Variants in HOOK3 observed in about 807,000 individuals in gnomAD.
HOOK3 encodes protein Hook homolog 3.
Under a neutral mutation model 116.3 loss-of-function variants are expected in HOOK3, and 24 were observed. The ratio of observed to expected loss-of-function variants is 0.21; its 90% CI spans 0.15 to 0.29. HOOK3 has a LOEUF of 0.29. HOOK3 is among the 10% of genes least tolerant of loss of function. The pLI, the probability that HOOK3 is intolerant of heterozygous loss-of-function variation, is 1.00. For synonymous variants in HOOK3, 275 were observed against 283.0 expected, an observed-to-expected ratio of 0.97 and a Z score of 0.28; for missense variants, 632 against 830.2, an observed-to-expected ratio of 0.76 and a Z score of 2.93.
In HOOK3 at chr8:43,025,586, G is replaced by T. The variant is rs1361364426; in HGVS notation, c.*7088G>T. 1 of 210,104 alleles carries T rather than the reference G, an allele frequency of 4.8e-6. No homozygotes were observed. Among genetic ancestry groups the T allele is most frequent in the Non-Finnish European group, 9.7e-6 (1 of 103,622 alleles). 13.0% of individuals were successfully genotyped at this position (210,104 alleles called of 1,614,324 possible). On this transcript the variant is annotated 3_prime_UTR_variant, in exon 22 of 22. Transcript: ENST00000307602. The stretch of plus-strand genomic sequence containing the variant: ...TCCCTTCATTGAGTATTAACTAGGT[G>T]CATAATGTAGTTGTATATGTTTACT...
At chr8:42,994,491 C>T (rs1241466201) in intron 15 of HOOK3, 7 of 365,264 alleles carry the variant, frequency 1.9e-5, no homozygotes, top group Middle Eastern at 3.7e-4. Flanking sequence ...CCATAGATTT[C>T]GGTATGTTGT....
At position 42,964,328 on chromosome 8, in the gene HOOK3, A is replaced by G; in HGVS notation, c.633A>G (p.Glu211=). The G allele has an allele frequency of 1.2e-6, 2 of 1,614,164 alleles. No individual in the cohort carries two copies. The highest frequency in any genetic ancestry group is 1.7e-6 in the Non-Finnish European group (2 of 1,180,012). Residue 211 remains glutamate (E), a synonymous_variant, in exon 9 of 22, where the codon GAA becomes GAG. Coordinates refer to ENST00000307602, the MANE Select transcript of HOOK3 (RefSeq NM_032410.4). ...ELDMQVAALQ[E]EKSSLLAENQ... ...TCCAACAGGTTGCAGCATTGCAGGA[A>G]GAGAAAAGTAGTTTGTTGGCAGAGA...
chr8:42,922,265 G>A (rs1807671858), intron 2 of HOOK3, among the ~76,000 whole-genome samples: 1 of 152,086 alleles, frequency 6.6e-6, no homozygotes, highest in African/African-American at 2.4e-5. Flanking sequence ...ACTTTGACCT[G>A]GTATGGTGGC....
At chr8:42,906,668 C>G (rs1195455001) in intron 2 of HOOK3, among the ~76,000 whole-genome samples, 1 of 152,164 alleles carries the variant, frequency 6.6e-6, no homozygotes, top group East Asian at 1.9e-4. Context: ...TACTTTCTAT[C>G]CCACTTAAGC....
chr8:43,018,366 C>T lies in HOOK3; in HGVS notation c.2025C>T (p.Thr675=). The T allele has an allele frequency of 6.3e-7, 1 of 1,596,110 alleles. No individual in the cohort carries two copies. The highest frequency in any genetic ancestry group is 1.1e-5 in the South Asian group (1 of 87,716). ...IVSAWYNMGM[T]LHKKAAEDRL... is the part of the protein sequence containing the mutation. ...TTGTTTTAATGTTGCAGGGAATGAC[C>T]CTGCATAAAAAGGCAGCTGAAGATA... is the stretch of plus-strand genomic sequence containing the variant. Residue 675 remains threonine (T), a synonymous_variant, in exon 22 of 22, where the codon ACC becomes ACT. Transcript: ENST00000307602.
chr8:42,957,693 G>A (rs1808460641), intron 7 of HOOK3, among the ~76,000 whole-genome samples: 1 of 151,888 alleles, frequency 6.6e-6, no homozygotes, highest in Non-Finnish European at 1.5e-5. Flanking sequence ...ATGTCTTCTC[G>A]ATCCCACCCC....
chr8:42,900,380 G>A (rs966115239), intron 1 of HOOK3, among the ~76,000 whole-genome samples: 3 of 152,114 alleles, frequency 2.0e-5, no homozygotes, highest in Non-Finnish European at 4.4e-5. Flanking sequence ...ACTGAAAAAC[G>A]AAGTCTACAA....
chr8:42,974,891 A>G (rs1808791473), intron 13 of HOOK3, among the ~76,000 whole-genome samples: 1 of 152,220 alleles, frequency 6.6e-6, no homozygotes, highest in African/African-American at 2.4e-5. Flanking sequence ...GGGTAAAACA[A>G]GAACCCTAAG....
At chr8:42,952,625 A>G (rs1213885931) in intron 6 of HOOK3, among the ~76,000 whole-genome samples, 6 of 152,152 alleles carry the variant, frequency 3.9e-5, no homozygotes, top group African/African-American at 7.2e-5. Flanking sequence ...AGCTTAAACT[A>G]TCTAAGGGCC....
chr8:43,013,438 A>G, intron 21 of HOOK3, 38 bp downstream of exon 21: 1 of 1,476,718 alleles, frequency 6.8e-7, no homozygotes, highest in South Asian at 1.3e-5. Context: ...TGAAAACTTC[A>G]ATGAATATGT....
intron 15 of HOOK3, among the ~76,000 whole-genome samples, chr8:42,988,162 A>G (rs1809083969): frequency 6.6e-6 from 1 of 152,224 alleles, no homozygotes; most frequent in Non-Finnish European, 1.5e-5. Flanking sequence ...AAAATTTTAC[A>G]TCAACTCTGA....
chr8:42,917,761 G>A (rs1807560546), intron 2 of HOOK3, among the ~76,000 whole-genome samples: 2 of 152,268 alleles, frequency 1.3e-5, no homozygotes, highest in Middle Eastern at 3.4e-3. Flanking sequence ...GGACCCTGCT[G>A]GAATGTCTCA....
intron 14 of HOOK3, among the ~76,000 whole-genome samples, chr8:42,984,228 C>A (rs1193637054): frequency 1.3e-5 from 2 of 151,806 alleles, no homozygotes; most frequent in Non-Finnish European, 2.9e-5. Flanking sequence ...ATTAACTGGG[C>A]TTGGTGATGC....
At chr8:43,015,282 G>T (rs987727347) in intron 21 of HOOK3, among the ~76,000 whole-genome samples, 15 of 152,062 alleles carry the variant, frequency 9.9e-5, no homozygotes, top group Admixed American at 8.5e-4. Context: ...CAGCACTTTG[G>T]GAGGCCAAGG....
chr8:42,945,914 A>G (rs1808216853), intron 5 of HOOK3, among the ~76,000 whole-genome samples: 1 of 152,110 alleles, frequency 6.6e-6, no homozygotes, highest in Non-Finnish European at 1.5e-5. Context: ...TATATAGATA[A>G]TAATATAATT....
intron 2 of HOOK3, among the ~76,000 whole-genome samples, chr8:42,922,170 T>A (rs1166009234): frequency 2.0e-5 from 3 of 152,180 alleles, no homozygotes; most frequent in Non-Finnish European, 2.9e-5. Context: ...CCAATAAATC[T>A]TCATGACTCT....
At chr8:42,955,858 TC>T (rs1808422639) in intron 6 of HOOK3, among the ~76,000 whole-genome samples, 1 of 152,168 alleles carries the variant, frequency 6.6e-6, no homozygotes, top group Non-Finnish European at 1.5e-5. Flanking sequence ...CAACAGTACA[TC>T]CTTTTGCCTC....
intron 7 of HOOK3, 58 bp downstream of exon 7, chr8:42,957,214 T>A: frequency 3.0e-6 from 3 of 1,007,342 alleles, no homozygotes; most frequent in Non-Finnish European, 4.4e-6. Flanking sequence ...AAGCATCAGA[T>A]GTTAATGAGA....
At chr8:42,897,344 A>C (rs1371972196) in intron 1 of HOOK3, 156 bp downstream of exon 1, 1 of 435,372 alleles carries the variant, frequency 2.3e-6, no homozygotes, top group Admixed American at 4.5e-5. Context: ...CCAGGGTCCG[A>C]GAGAGACTTG....
Sources: gnomAD v4.1 joint callset for allele counts (sites outside exome capture counted in the v4.1 genomes callset) on GRCh38, gnomAD v4.1.1 for gene constraint, MANE v1.5 for transcripts, NCBI Gene and HGNC (gene_info 2026-07-23, HGNC 2026-07-21) for gene names.